Variants in ASB3 observed in about 807,000 individuals in gnomAD.
ASB3 encodes the protein ankyrin repeat and SOCS box protein 3.
ASB3 carries 41 observed loss-of-function variants against 54.5 expected under a neutral mutation model. The ratio of observed to expected loss-of-function variants is 0.75; its 90% CI spans 0.59 to 0.98. The LOEUF is 0.98. Ranked by LOEUF, ASB3 falls within the 50% of genes least tolerant of loss-of-function variation. ASB3 has a pLI of 0.00. For synonymous variants in ASB3, 266 were observed against 221.2 expected, an observed-to-expected ratio of 1.20 and a Z score of -1.80; for missense variants, 733 against 620.0, an observed-to-expected ratio of 1.18 and a Z score of -1.94.
At chr2:53,737,337 G>C (rs928782403) in intron 3 of ASB3, among the ~76,000 whole-genome samples, 1 of 152,132 alleles carries the variant, frequency 6.6e-6, no homozygotes, top group Non-Finnish European at 1.5e-5. Context: ...AGAGGAAAGA[G>C]GCTCAAGTGC....
At chr2:53,760,955 G>C (rs188477269) in intron 2 of ASB3, among the ~76,000 whole-genome samples, 2 of 152,134 alleles carry the variant, frequency 1.3e-5, no homozygotes, top group East Asian at 1.9e-4. Flanking sequence ...CCCATGCTCC[G>C]ATGTTAATGA....
intron 2 of ASB3, among the ~76,000 whole-genome samples, chr2:53,753,489 C>T (rs1672642140): frequency 6.6e-6 from 1 of 152,088 alleles, no homozygotes; most frequent in Non-Finnish European, 1.5e-5. Context: ...AATATAGATA[C>T]AGATGGCTAG....
chr2:53,682,817 G>T (rs1315185723), intron 9 of ASB3, among the ~76,000 whole-genome samples: 1 of 152,158 alleles, frequency 6.6e-6, no homozygotes, highest in Non-Finnish European at 1.5e-5. Flanking sequence ...ATTTTTGTAT[G>T]TTGATTTTGT....
intron 8 of ASB3, 180 bp from the exon 9 acceptor site, chr2:53,694,194 C>T (rs1014065934): frequency 2.8e-5 from 17 of 598,538 alleles, no homozygotes; most frequent in Non-Finnish European, 4.4e-5. Context: ...CAATCATCTA[C>T]AGGTTCCTAT....
intron 1 of ASB3, among the ~76,000 whole-genome samples, chr2:53,773,829 G>A (rs932511036): frequency 1.3e-5 from 2 of 151,136 alleles, no homozygotes; most frequent in Admixed American, 1.3e-4. Flanking sequence ...GAGGTCAGGA[G>A]TTTGAGACCA....
At chr2:53,777,740 G>A (rs1226155521) in intron 1 of ASB3, among the ~76,000 whole-genome samples, 3 of 152,200 alleles carry the variant, frequency 2.0e-5, no homozygotes, top group Non-Finnish European at 2.9e-5. Flanking sequence ...CAATTTATAA[G>A]CTTTTGGAGG....
intron 1 of ASB3, among the ~76,000 whole-genome samples, chr2:53,776,680 G>A (rs1003221625): frequency 7.2e-5 from 11 of 152,120 alleles, no homozygotes; most frequent in African/African-American, 2.4e-4. Context: ...TTAGCCAGGT[G>A]TAGTGGCATG....
At chr2:53,720,379 T>C (rs1183747746) in intron 5 of ASB3, among the ~76,000 whole-genome samples, 1 of 152,174 alleles carries the variant, frequency 6.6e-6, no homozygotes, top group Non-Finnish European at 1.5e-5. Flanking sequence ...CAAAATAAAC[T>C]TCCTAAATTG....
At chr2:53,722,472 T>C (rs1481926813) in intron 5 of ASB3, among the ~76,000 whole-genome samples, 1 of 152,192 alleles carries the variant, frequency 6.6e-6, no homozygotes, top group Non-Finnish European at 1.5e-5. Flanking sequence ...AAAAAGTTAA[T>C]GCATCATGAT....
chr2:53,718,063 T>G, intron 5 of ASB3, among the ~76,000 whole-genome samples: 1 of 152,162 alleles, frequency 6.6e-6, no homozygotes, highest in East Asian at 1.9e-4. Flanking sequence ...ATCTATGAAT[T>G]ATTGGTATTC....
chr2:53,750,605 A>G (rs548972431), intron 3 of ASB3, among the ~76,000 whole-genome samples, 178 bp downstream of exon 3: 1 of 152,262 alleles, frequency 6.6e-6, no homozygotes, highest in South Asian at 2.1e-4. Flanking sequence ...AAGAATAGAA[A>G]ACAAGAGCAA....
intron 7 of ASB3, among the ~76,000 whole-genome samples, chr2:53,712,771 C>CACAG (rs1167378559): frequency 6.6e-5 from 10 of 150,906 alleles, no homozygotes; most frequent in African/African-American, 2.2e-4. Context: ...CACACACAGG[C>CACAG]GCGCGCGCGC....
At chr2:53,767,656 A>G (rs1368266498) in intron 1 of ASB3, 2 of 555,596 alleles carry the variant, frequency 3.6e-6, no homozygotes, top group African/African-American at 1.9e-5. Flanking sequence ...ATTGCTTACT[A>G]CACCGAAGGT....
At chr2:53,762,171 C>CTGTGTGTG (rs3062426) in intron 2 of ASB3, among the ~76,000 whole-genome samples, 3 of 149,806 alleles carry the variant, frequency 2.0e-5, no homozygotes, top group African/African-American at 7.3e-5. Flanking sequence ...AGTGATCTAA[C>CTGTGTGTG]TGTGTGTGTG....
intron 1 of ASB3, among the ~76,000 whole-genome samples, chr2:53,770,695 T>A (rs937413901): frequency 2.0e-5 from 3 of 152,052 alleles, no homozygotes; most frequent in Admixed American, 6.6e-5. Context: ...CAACCTCAAG[T>A]TGAATAGTAA....
chr2:53,706,633 G>C (rs1198756346), intron 7 of ASB3, among the ~76,000 whole-genome samples: 1 of 152,004 alleles, frequency 6.6e-6, no homozygotes, highest in African/African-American at 2.4e-5. Flanking sequence ...TTTTAGGAGA[G>C]ACGGGGTTTC....
At chr2:53,722,972 G>C (rs939958909) in intron 5 of ASB3, among the ~76,000 whole-genome samples, 5 of 152,064 alleles carry the variant, frequency 3.3e-5, no homozygotes, top group African/African-American at 1.2e-4. Context: ...TCCTGAAGCT[G>C]ATAAACAACT....
chr2:53,767,887 ATG>A lies in ASB3; in HGVS notation c.-13-2304_-13-2303del, dbSNP rs1322091647. The A allele has an allele frequency of 1.9e-6, 3 of 1,609,258 alleles. No individual in the cohort carries two copies. The African/African-American group carries it at 4.0e-5, about 21-fold the overall frequency. ...ACTGGGGCAGAGGAGCCGCGAGAAG[ATG>A]TGGGTTTTTGGTTACGGGTCCCTGA... On this transcript the variant is annotated intron_variant, in intron 1 of 9. Transcript: ENST00000263634.
chr2:53,715,056 G>C (rs994291033), intron 6 of ASB3, among the ~76,000 whole-genome samples: 2 of 151,962 alleles, frequency 1.3e-5, no homozygotes, highest in Non-Finnish European at 2.9e-5. Context: ...TAACTGGCAT[G>C]AAATTAAGAC....
Sources: allele counts gnomAD v4.1 joint callset (sites outside exome capture counted in the v4.1 genomes callset), GRCh38; gene constraint gnomAD v4.1.1; transcripts MANE v1.5; gene names NCBI Gene and HGNC (gene_info 2026-07-23, HGNC 2026-07-21).